SLC38A7: variants seen among roughly 807,000 people sequenced by gnomAD.
The protein encoded by SLC38A7 is sodium-coupled neutral amino acid transporter 7.
In SLC38A7, 29 loss-of-function variants were observed where a neutral mutation model predicts 50.1. The ratio of observed to expected loss-of-function variants is 0.58; its 90% confidence interval spans 0.43 to 0.79. The LOEUF is 0.79. Among genes scored for constraint, SLC38A7 ranks in the 30% least tolerant of loss-of-function variants. The pLI is 0.00. For synonymous variants in SLC38A7, 244 were observed against 245.9 expected, an observed-to-expected ratio of 0.99 and a Z score of 0.07; for missense variants, 483 against 610.6, an observed-to-expected ratio of 0.79 and a Z score of 2.20.
intron 11 of SLC38A7, among the ~76,000 whole-genome samples, chr16:58,668,896 C>T (rs2044101338): frequency 6.7e-6 from 1 of 149,472 alleles, no homozygotes; most frequent in African/African-American, 2.5e-5. Context: ...CCTCAGCCTC[C>T]CGAGCTAGGA....
At chr16:58,677,282 AGTG>A (rs1186584959) in intron 6 of SLC38A7, 41 bp downstream of exon 6, 2 of 1,563,118 alleles carry the variant, frequency 1.3e-6, no homozygotes. Flanking sequence ...CTGGGGCCCA[AGTG>A]GTGGCTTCTT....
In SLC38A7 at chr16:58,678,611, G is replaced by A; in HGVS notation, c.469+85C>T. The A allele has an allele frequency of 6.3e-7, 1 of 1,576,968 alleles. No homozygotes were observed. The highest frequency in any genetic ancestry group is 1.1e-5 in the South Asian group (1 of 89,184). On this transcript the variant is annotated intron_variant, in intron 4 of 11. Coordinates refer to ENST00000219320, the MANE Select transcript of SLC38A7 (RefSeq NM_018231.3). The surrounding 1 kb of genome is among the most constrained non-coding windows in gnomAD (Gnocchi z 4.0). ...ATGCTGGGCCCAGGTAAGTCCTGGAGAGGTGTTCAGTGCCTTTTCCCTCCA... is the reference window on the plus strand; with the variant it reads ...ATGCTGGGCCCAGGTAAGTCCTGGAAAGGTGTTCAGTGCCTTTTCCCTCCA...
chr16:58,669,101 GGCTTTTTTT>G, intron 11 of SLC38A7, among the ~76,000 whole-genome samples: 1 of 108,324 alleles, frequency 9.2e-6, no homozygotes, highest in Admixed American at 9.8e-5. Context: ...ATGTTTGTAT[GGCTTTTTTT>G]TTTTTTTTTT....
In SLC38A7 at chr16:58,671,968, G is replaced by A. The variant is rs142191428; in HGVS notation, c.1031+128C>T. On this transcript the variant is annotated intron_variant, in intron 9 of 11. Transcript: ENST00000219320. Reference sequence around the variant, plus strand: ...CTGGGATATGTAGGGACCCATCCTAGGCACCGACTCTTTTCTACAGGCTTC... The same window carrying A: ...CTGGGATATGTAGGGACCCATCCTAAGCACCGACTCTTTTCTACAGGCTTC... The A allele has an allele frequency of 9.1e-5, 107 of 1,178,740 alleles. 3 individuals carry two copies. In the African/African-American group the frequency reaches 1.3e-3, roughly 14 times the overall value. The allele number at this position is 1,178,740 out of a possible 1,614,324, so 73.0% of individuals were successfully genotyped here. A position where few individuals can be genotyped will look rare whatever the true frequency, so the allele number is the denominator to read the frequency against.
At chr16:58,680,836 C>T (rs968113937) in intron 2 of SLC38A7, among the ~76,000 whole-genome samples, 9 of 152,210 alleles carry the variant, frequency 5.9e-5, no homozygotes, top group African/African-American at 2.2e-4. Context: ...GACAAGCCCC[C>T]ATGCCTGTCA....
At chr16:58,670,021 G>T in intron 11 of SLC38A7, 92 bp downstream of exon 11, 3 of 1,059,536 alleles carry the variant, frequency 2.8e-6, no homozygotes, top group South Asian at 1.6e-5. Flanking sequence ...AAGTACACAA[G>T]CCTCTGACTC....
intron 11 of SLC38A7, 118 bp from the exon 12 acceptor site, chr16:58,667,605 T>G: frequency 1.3e-6 from 1 of 749,802 alleles, no homozygotes; most frequent in Non-Finnish European, 2.0e-6. Flanking sequence ...GTAGAGCACT[T>G]CCTACTTCCC....
intron 8 of SLC38A7, among the ~76,000 whole-genome samples, chr16:58,672,580 G>A (rs998160961): frequency 6.6e-6 from 1 of 152,150 alleles, no homozygotes; most frequent in African/African-American, 2.4e-5. Context: ...CTTCCTCAGA[G>A]AATGCTTCCT....
rs549374379 is a variant in SLC38A7, at chr16:58,683,284, TG to T, written c.-116+670del. Among the ~76,000 whole-genome samples, 1,007 of 152,298 alleles carry T rather than the reference TG, an allele frequency of 6.6e-3. 6 individuals are homozygous for T. Among genetic ancestry groups the T allele is most frequent in the Non-Finnish European group, 0.01 (683 of 68,028 alleles). On this transcript the variant is annotated intron_variant, in intron 2 of 11. Coordinates refer to ENST00000219320, the MANE Select transcript of SLC38A7 (RefSeq NM_018231.3). The stretch of plus-strand genomic sequence containing the variant: ...ACCCTCTCTGATGCCTTCAGCCCAC[TG>T]GGGGTTTAAAATGACTAACAAGACC...
Position 58,672,091 on chromosome 16 carries a change from C to G in SLC38A7, c.1031+5G>C. 6.4e-7 allele frequency: 1 copy of G among 1,552,602 alleles called. No homozygotes were observed. The highest frequency in any genetic ancestry group is 8.7e-7 in the Non-Finnish European group (1 of 1,148,136). ...AGGGGCCCTGGGGAGTGGAAGGGGG[C>G]TCACCGCCCACAGAAGTGCAGGATA... On this transcript the variant is annotated splice_donor_5th_base_variant and intron_variant, in intron 9 of 11. Transcript: ENST00000219320.
chr16:58,673,848 CAG>C (rs2044208712), intron 8 of SLC38A7, among the ~76,000 whole-genome samples: 1 of 146,626 alleles, frequency 6.8e-6, no homozygotes, highest in Non-Finnish European at 1.5e-5. Context: ...TTTTTGAAGA[CAG>C]AGTCTCACTT....
rs1216950371 is a variant in SLC38A7, at chr16:58,667,411, C to T, written c.1363G>A (p.Ala455Thr). ...TATGCCAAGAGATCCACAAAGATGG[C>T]GTTGGCTGTGGTCTGGCCGAAGATG... Reference protein sequence around the residue: ...AFIFGQTTANAIFVDLLA With the variant: ...AFIFGQTTANTIFVDLLA The change falls in exon 12 of 12, where the codon GCC becomes ACC. Residue 455 changes from alanine to threonine, a missense_variant. Coordinates refer to ENST00000219320, the MANE Select transcript of SLC38A7 (RefSeq NM_018231.3). 5.0e-6 allele frequency: 8 copies of T among 1,613,948 alleles called. No individual in the cohort carries two copies. The highest frequency in any genetic ancestry group is 1.7e-4 in the Middle Eastern group (1 of 5,994).
In SLC38A7 at chr16:58,671,234, C is replaced by T; in HGVS notation, c.1042G>A (p.Glu348Lys). ...CCCTGGTAGCGCAGCCACAGGCCTT[C>T]CACCACCGCCCTGCCCACATGGAGA... is the stretch of plus-strand genomic sequence containing the variant. ...ILHFCGRAVVEGLWLRYQGVP... is the reference protein window; with the variant it reads ...ILHFCGRAVVKGLWLRYQGVP... Residue 348 changes from glutamate to lysine, a missense_variant, in exon 10 of 12, where the codon GAA becomes AAA. Transcript: ENST00000219320. 1 of 1,613,658 alleles carries T rather than the reference C, an allele frequency of 6.2e-7. No individual in the cohort carries two copies. The highest frequency in any genetic ancestry group is 8.5e-7 in the Non-Finnish European group (1 of 1,179,788).
chr16:58,667,671 G>A (rs1280052970), intron 11 of SLC38A7, among the ~76,000 whole-genome samples, 184 bp from the exon 12 acceptor site: 1 of 152,082 alleles, frequency 6.6e-6, no homozygotes, highest in Admixed American at 6.6e-5. Context: ...TAGTCCATAG[G>A]TAAGAAGACC....
At chr16:58,677,519 A>G (rs540387456) in intron 5 of SLC38A7, 95 bp from the exon 6 acceptor site, 100 of 1,046,938 alleles carry the variant, frequency 9.6e-5, no homozygotes, top group East Asian at 3.7e-4. Context: ...AGCGACCACA[A>G]GTGTCCACTG....
In SLC38A7 at chr16:58,665,586, G is replaced by C. The variant is rs1160171384; in HGVS notation, c.*1799C>G. 1 of 152,568 alleles carries C rather than the reference G, an allele frequency of 6.6e-6. No homozygotes were observed. The highest frequency in any genetic ancestry group is 1.9e-4 in the East Asian group (1 of 5,200). The allele number at this position is 152,568 out of a possible 1,614,324, so 9.5% of individuals were successfully genotyped here. A position where few individuals can be genotyped will look rare whatever the true frequency, so the allele number is the denominator to read the frequency against. Reference sequence around the variant, plus strand: ...CTGAGTGGCGGGCGGCTCGGCAGGGGGTCCCTCTCGTACCCTTTACAGAGG... The same window carrying C: ...CTGAGTGGCGGGCGGCTCGGCAGGGCGTCCCTCTCGTACCCTTTACAGAGG... On this transcript the variant is annotated 3_prime_UTR_variant, in exon 12 of 12. Transcript: ENST00000219320.
intron 11 of SLC38A7, among the ~76,000 whole-genome samples, chr16:58,669,741 G>A (rs932608438): frequency 1.3e-5 from 2 of 151,932 alleles, no homozygotes; most frequent in Non-Finnish European, 2.9e-5. Context: ...TTGGGAGGCC[G>A]AGGAAGGAGG....
In SLC38A7 at chr16:58,678,797, C is replaced by G. The variant is rs142979677; in HGVS notation, c.368G>C (p.Cys123Ser). Residue 123 changes from cysteine (C) to serine (S), a missense_variant, in exon 4 of 12, where the codon TGT becomes TCT. By Grantham distance (112) the Cys-to-Ser change is moderately radical. Coordinates refer to ENST00000219320, the MANE Select transcript of SLC38A7 (RefSeq NM_018231.3). This position sits in a 1 kb window ranked among gnomAD's most constrained non-coding sequence, Gnocchi z 4.0. The part of the protein sequence containing the change: ...RTYQEVVWAV[C>S]GKLTGVLCEV... The stretch of plus-strand genomic sequence containing the variant: ...ACATAGCACACCTGTCAGCTTGCCA[C>G]ACACAGCCCATACCACCTCCTGGTA... The G allele has an allele frequency of 4.3e-6, 7 of 1,614,122 alleles. No individual in the cohort carries two copies. The African/African-American group carries it at 8.0e-5, about 18-fold the overall frequency.
chr16:58,674,169 A>G (rs1157917850), intron 8 of SLC38A7, among the ~76,000 whole-genome samples: 2 of 152,052 alleles, frequency 1.3e-5, no homozygotes, highest in South Asian at 2.1e-4. Flanking sequence ...GAGTCTCACT[A>G]TGTTGCCGAG....
Sources: gnomAD v4.1 joint callset for allele counts (sites outside exome capture counted in the v4.1 genomes callset) on GRCh38, gnomAD v4.1.1 for gene constraint, Gnocchi (gnomAD v3.1) non-coding constraint, MANE v1.5 for transcripts, NCBI Gene and HGNC (gene_info 2026-07-23, HGNC 2026-07-21) for gene names.